The following CSMD1 variants were observed in gnomAD, a reference collection of about 807,000 sequenced individuals.
The protein encoded by CSMD1 is CUB and Sushi multiple domains 1, also known as CUB and sushi domain-containing protein 1.
Under a neutral mutation model 417.5 loss-of-function variants are expected in CSMD1, and 213 were observed. That is an observed-to-expected ratio of 0.51 (90% confidence interval 0.46 to 0.57). The LOEUF is 0.57. Among genes scored for constraint, CSMD1 ranks in the 20% least tolerant of loss-of-function variants. The probability of loss-of-function intolerance (pLI) is 0.00; values close to 1 mark genes in which losing one functional copy is unlikely to be tolerated. For synonymous variants in CSMD1, 2,862 were observed against 1,736.8 expected (o/e 1.65, Z -16.11); for missense variants, 6,923 against 4,529.7 (o/e 1.53, Z -15.17).
At chr8:3,029,994 A>C (rs1810233232) in intron 50 of CSMD1, among the ~76,000 whole-genome samples, 1 of 152,144 alleles carries the variant, frequency 6.6e-6, no homozygotes, top group Admixed American at 6.6e-5. Flanking sequence ...ATATCTATAT[A>C]TCATTGAATG....
At chr8:4,565,377 T>A (rs77230700) in intron 2 of CSMD1, among the ~76,000 whole-genome samples, 2,059 of 152,302 alleles carry the variant, frequency 0.014, 90 homozygotes, top group Admixed American at 0.093. Flanking sequence ...AGCTGTGGTA[T>A]GCCCACACTT....
chr8:3,789,371 GTT>G (rs796831363), intron 5 of CSMD1, among the ~76,000 whole-genome samples: 1 of 107,396 alleles, frequency 9.3e-6, no homozygotes. Context: ...TATTGCTAGT[GTT>G]TTTTTTTTTA....
intron 3 of CSMD1, among the ~76,000 whole-genome samples, chr8:4,264,638 C>T (rs1804119996): frequency 6.6e-6 from 1 of 152,116 alleles, no homozygotes; most frequent in Non-Finnish European, 1.5e-5. Context: ...TGCTGTCCCA[C>T]CCAGGTACAT....
intron 2 of CSMD1, among the ~76,000 whole-genome samples, chr8:4,513,368 A>G (rs147373312): frequency 1.3e-5 from 2 of 152,290 alleles, no homozygotes; most frequent in Non-Finnish European, 2.9e-5. Flanking sequence ...TACTATAGCG[A>G]TGCTAATTTA....
intron 2 of CSMD1, among the ~76,000 whole-genome samples, chr8:4,443,924 C>A (rs939735696): frequency 5.9e-5 from 9 of 152,014 alleles, no homozygotes; most frequent in Non-Finnish European, 8.8e-5. Flanking sequence ...ATAAGAAATG[C>A]GTACATATAC....
intron 3 of CSMD1, among the ~76,000 whole-genome samples, chr8:4,197,517 G>A (rs952138857): frequency 6.6e-6 from 1 of 152,198 alleles, no homozygotes; most frequent in Non-Finnish European, 1.5e-5. Context: ...GTAAGACAGA[G>A]TTCCCTTGCC....
intron 1 of CSMD1, among the ~76,000 whole-genome samples, chr8:4,870,550 G>A (rs533820396): frequency 6.6e-6 from 1 of 152,166 alleles, no homozygotes; most frequent in East Asian, 1.9e-4. Context: ...CTCTTCTCGT[G>A]TGTCAGTCTC....
intron 17 of CSMD1, among the ~76,000 whole-genome samples, chr8:3,390,880 G>GTCA (rs1164282788): frequency 2.0e-5 from 3 of 152,064 alleles, no homozygotes; most frequent in Non-Finnish European, 2.9e-5. Flanking sequence ...GCTTAGAGAT[G>GTCA]TCACTTCTCA....
rs183218521 is a variant in CSMD1, at chr8:4,717,480, C to A, written c.86-79922G>T. Reference sequence around the variant, plus strand: ...TATATATATATATATACACACACACCCCTTTCTATATATGTATCTACCTAT... The same window carrying A: ...TATATATATATATATACACACACACACCTTTCTATATATGTATCTACCTAT... On this transcript the variant is annotated intron_variant, in intron 1 of 69. Coordinates refer to ENST00000635120, the MANE Select transcript of CSMD1 (RefSeq NM_033225.6). Among the ~76,000 whole-genome samples, 279 of 150,150 alleles carry A rather than the reference C, an allele frequency of 1.9e-3. 10 individuals are homozygous for A. The South Asian group carries it at 0.05, about 27-fold the overall frequency.
chr8:3,872,137 T>C (rs1805518540), intron 5 of CSMD1, among the ~76,000 whole-genome samples: 1 of 152,236 alleles, frequency 6.6e-6, no homozygotes, highest in Non-Finnish European at 1.5e-5. Flanking sequence ...CTTTTTCTCA[T>C]TTCATGTTGT....
intron 11 of CSMD1, among the ~76,000 whole-genome samples, chr8:3,472,031 T>C (rs1189629960): frequency 6.6e-6 from 1 of 152,218 alleles, no homozygotes; most frequent in East Asian, 1.9e-4. Context: ...CTTTGAGACT[T>C]ATGCCACCAT....
intron 3 of CSMD1, among the ~76,000 whole-genome samples, chr8:4,175,563 A>AT (rs1349224333): frequency 6.6e-6 from 1 of 152,170 alleles, no homozygotes; most frequent in African/African-American, 2.4e-5. Context: ...CAGCCCTTAG[A>AT]TTTTTTGAAA....
At chr8:4,174,536 C>A (rs564757880) in intron 3 of CSMD1, among the ~76,000 whole-genome samples, 1 of 150,790 alleles carries the variant, frequency 6.6e-6, no homozygotes, top group African/African-American at 2.5e-5. Flanking sequence ...TGTCCACCCA[C>A]CTCTCAAAAG....
At chr8:4,467,998 G>T (rs1428521877) in intron 2 of CSMD1, among the ~76,000 whole-genome samples, 1 of 152,208 alleles carries the variant, frequency 6.6e-6, no homozygotes, top group African/African-American at 2.4e-5. Context: ...CTAAGCTGTA[G>T]ATTTGTGTAG....
intron 1 of CSMD1, among the ~76,000 whole-genome samples, chr8:4,762,894 C>T (rs1812209945): frequency 6.6e-6 from 1 of 151,952 alleles, no homozygotes; most frequent in African/African-American, 2.4e-5. Context: ...ATTTATACAC[C>T]CTGCCATAGC....
At chr8:3,459,614 C>A (rs1426159628) in intron 12 of CSMD1, among the ~76,000 whole-genome samples, 1 of 152,060 alleles carries the variant, frequency 6.6e-6, no homozygotes, top group Non-Finnish European at 1.5e-5. Context: ...CAGCAGAGCA[C>A]CCACCACTGA....
intron 8 of CSMD1, among the ~76,000 whole-genome samples, chr8:3,598,543 C>T (rs1801202538): frequency 6.6e-6 from 1 of 152,186 alleles, no homozygotes; most frequent in Non-Finnish European, 1.5e-5. Context: ...CTCCCCTGAG[C>T]CTTCCTCTAC....
chr8:4,187,056 G>A (rs1798722384), intron 3 of CSMD1, among the ~76,000 whole-genome samples: 1 of 152,076 alleles, frequency 6.6e-6, no homozygotes, highest in African/African-American at 2.4e-5. Context: ...CCATATAAAT[G>A]TTTGCTCAAA....
intron 1 of CSMD1, among the ~76,000 whole-genome samples, chr8:4,913,091 C>T (rs1014000550): frequency 9.2e-5 from 14 of 152,012 alleles, no homozygotes; most frequent in Non-Finnish European, 1.9e-4. Flanking sequence ...AAGTGGCCAG[C>T]ACCAGCTGCT....
Sources: gnomAD v4.1 joint callset for allele counts (sites outside exome capture counted in the v4.1 genomes callset) on GRCh38, gnomAD v4.1.1 for gene constraint, MANE v1.5 for transcripts, NCBI Gene and HGNC (gene_info 2026-07-23, HGNC 2026-07-21) for gene names.